The following CYP19A1 variants were observed in gnomAD, a reference collection of about 807,000 sequenced individuals.
CYP19A1 encodes aromatase.
In CYP19A1, 32 loss-of-function variants were observed where a neutral mutation model predicts 44.4. The observed-to-expected ratio is 0.72, with a 90% CI of 0.54 to 0.97. The LOEUF (loss-of-function observed/expected upper bound fraction) is 0.97, where lower values mean the gene tolerates loss of function less well. Ranked by LOEUF, CYP19A1 falls within the 50% of genes least tolerant of loss-of-function variation. CYP19A1 has a pLI of 0.00. For missense variants in CYP19A1, 598 were observed against 637.8 expected (o/e 0.94, Z 0.67); for synonymous variants, 212 against 215.6 (o/e 0.98, Z 0.14).
At chr15:51,311,361 G>C (rs1399724985) in intron 1 of CYP19A1, among the ~76,000 whole-genome samples, 1 of 152,192 alleles carries the variant, frequency 6.6e-6, no homozygotes, top group Non-Finnish European at 1.5e-5. Context: ...CCCAATAGCA[G>C]AATGCAAATG....
At chr15:51,309,908 G>C (rs1365483411) in intron 1 of CYP19A1, among the ~76,000 whole-genome samples, 1 of 152,124 alleles carries the variant, frequency 6.6e-6, no homozygotes, top group Non-Finnish European at 1.5e-5. Context: ...TCATTTTTGT[G>C]TCTCCAGGAT....
intron 3 of CYP19A1, among the ~76,000 whole-genome samples, chr15:51,231,337 GT>G (rs1304558003): frequency 6.6e-6 from 1 of 152,100 alleles, no homozygotes; most frequent in Non-Finnish European, 1.5e-5. Context: ...AGCTGACCTG[GT>G]CTCTTCAAAA....
chr15:51,256,509 C>T (rs1405647712), intron 1 of CYP19A1, among the ~76,000 whole-genome samples: 1 of 152,104 alleles, frequency 6.6e-6, no homozygotes, highest in Non-Finnish European at 1.5e-5. Flanking sequence ...GGGGGTCCTG[C>T]ACAAGTCATT....
At chr15:51,277,955 T>A (rs2035376845) in intron 1 of CYP19A1, 1 of 71,846 alleles carries the variant, frequency 1.4e-5, no homozygotes, top group African/African-American at 1.3e-4. Context: ...GTTGCATGAG[T>A]TTTTTTTTTT....
intron 1 of CYP19A1, among the ~76,000 whole-genome samples, chr15:51,291,546 G>C (rs1282974254): frequency 6.6e-6 from 1 of 152,170 alleles, no homozygotes; most frequent in Admixed American, 6.5e-5. Context: ...TGTACAACTA[G>C]GATTCCAACC....
Position 51,208,243 on chromosome 15 carries a change from TC to T in CYP19A1, c.*2564del, listed in dbSNP as rs2141024111. Reference sequence around the variant, plus strand: ...TGCTTAGGAATAAAAAGTGGCAATTTCCAAATGGTATTTCTCAATAATGAGA... The same window carrying T: ...TGCTTAGGAATAAAAAGTGGCAATTTCAAATGGTATTTCTCAATAATGAGA... On this transcript the variant is annotated 3_prime_UTR_variant, in exon 10 of 10. Transcript: ENST00000396402. 1 of 152,258 alleles carries T rather than the reference TC, an allele frequency of 6.6e-6. No individual in the cohort carries two copies. The highest frequency in any genetic ancestry group is 2.1e-4 in the South Asian group (1 of 4,830). The allele number at this position is 152,258 out of a possible 1,614,324, so 9.4% of individuals were successfully genotyped here.
chr15:51,323,293 G>T (rs1226036193), intron 1 of CYP19A1, among the ~76,000 whole-genome samples: 2 of 152,128 alleles, frequency 1.3e-5, no homozygotes, highest in Non-Finnish European at 2.9e-5. Flanking sequence ...GCTGCTCTCA[G>T]GTAGGGAGTA....
intron 8 of CYP19A1, among the ~76,000 whole-genome samples, chr15:51,213,597 C>T (rs946663107): frequency 3.3e-5 from 5 of 152,082 alleles, no homozygotes; most frequent in Admixed American, 6.6e-5. Context: ...AAGTAGTTAG[C>T]GAGTCTGTGT....
chr15:51,259,349 A>G (rs1387430296), intron 1 of CYP19A1, among the ~76,000 whole-genome samples: 1 of 152,228 alleles, frequency 6.6e-6, no homozygotes, highest in Non-Finnish European at 1.5e-5. Flanking sequence ...TTCTGTCTAT[A>G]TGCAAGAAAA....
rs566099866 is a variant in CYP19A1, at chr15:51,231,056, T to G, written c.297-3123A>C. 1.6e-4 allele frequency among the ~76,000 whole-genome samples: 25 copies of G among 152,280 alleles called. 1 individual carries two copies. The highest frequency in any genetic ancestry group is 5.8e-4 in the African/African-American group (24 of 41,546). On this transcript the variant is annotated intron_variant, in intron 3 of 9. Coordinates refer to ENST00000396402, the MANE Select transcript of CYP19A1 (RefSeq NM_000103.4). ...CTAGGTGACTACAAGAGATAAACAA[T>G]CTTTATAACAGAGGAATCTCACTGT...
intron 1 of CYP19A1, among the ~76,000 whole-genome samples, chr15:51,250,988 C>T (rs2034284416): frequency 6.6e-6 from 1 of 152,176 alleles, no homozygotes; most frequent in Non-Finnish European, 1.5e-5. Flanking sequence ...GAGCTGAGTA[C>T]AAGACCCAGA....
At chr15:51,318,109 T>A (rs1462976307) in intron 1 of CYP19A1, among the ~76,000 whole-genome samples, 1 of 152,186 alleles carries the variant, frequency 6.6e-6, no homozygotes, top group Non-Finnish European at 1.5e-5. Flanking sequence ...CACAAGGCTG[T>A]CACAGCTGGG....
intron 5 of CYP19A1, among the ~76,000 whole-genome samples, chr15:51,220,706 C>T (rs565629899): frequency 7.7e-4 from 117 of 152,220 alleles, no homozygotes; most frequent in African/African-American, 2.7e-3. Context: ...TATTCATCAC[C>T]TTAAACATTT....
intron 1 of CYP19A1, among the ~76,000 whole-genome samples, chr15:51,297,142 C>A (rs945360514): frequency 1.3e-5 from 2 of 152,188 alleles, no homozygotes; most frequent in Admixed American, 1.3e-4. Context: ...GCCCTAGGAT[C>A]CCAGACCTTT....
At chr15:51,311,670 A>T (rs1009714529) in intron 1 of CYP19A1, among the ~76,000 whole-genome samples, 5 of 152,246 alleles carry the variant, frequency 3.3e-5, no homozygotes, top group Non-Finnish European at 7.3e-5. Context: ...TGAATGTCCC[A>T]CAACTCCCTA....
chr15:51,307,424 A>G (rs1000280810), intron 1 of CYP19A1, among the ~76,000 whole-genome samples: 1 of 152,202 alleles, frequency 6.6e-6, no homozygotes, highest in Admixed American at 6.5e-5. Context: ...TTCTCTTTGC[A>G]GAAGAATATA....
intron 1 of CYP19A1, among the ~76,000 whole-genome samples, chr15:51,287,477 G>A (rs1423132311): frequency 6.6e-6 from 1 of 152,270 alleles, no homozygotes; most frequent in Non-Finnish European, 1.5e-5. Context: ...TGCTACAAGT[G>A]CCACTTCTGA....
intron 4 of CYP19A1, among the ~76,000 whole-genome samples, chr15:51,226,793 G>A (rs1396707258): frequency 1.3e-5 from 2 of 152,114 alleles, no homozygotes; most frequent in Admixed American, 1.3e-4. Flanking sequence ...GGTTAAGGGG[G>A]AAAACCACTG....
At chr15:51,287,741 G>A (rs1387284634) in intron 1 of CYP19A1, among the ~76,000 whole-genome samples, 2 of 152,088 alleles carry the variant, frequency 1.3e-5, no homozygotes, top group East Asian at 3.9e-4. Context: ...CAATGGTCTG[G>A]GGCTAACACT....
Sources: allele counts gnomAD v4.1 joint callset (sites outside exome capture counted in the v4.1 genomes callset), GRCh38; gene constraint gnomAD v4.1.1; transcripts MANE v1.5; gene names NCBI Gene and HGNC (gene_info 2026-07-23, HGNC 2026-07-21).